Variants in VAX2 observed in about 807,000 individuals in gnomAD.
The protein encoded by VAX2 is ventral anterior homeobox 2.
A neutral mutation model predicts 12.5 loss-of-function variants in VAX2; 8 were observed. The observed-to-expected ratio is 0.64, with a 90% confidence interval of 0.37 to 1.15. The LOEUF is 1.15. VAX2 is among the 50% of genes most tolerant of loss of function. VAX2 has a pLI of 0.01. For synonymous variants in VAX2, 183 were observed against 187.6 expected, an observed-to-expected ratio of 0.98 and a Z score of 0.20; for missense variants, 476 against 412.9, an observed-to-expected ratio of 1.15 and a Z score of -1.32.
Position 70,914,307 on chromosome 2 carries a change from G to A in VAX2, c.248-6791G>A, listed in dbSNP as rs1353655952. On this transcript the variant is annotated intron_variant, in intron 1 of 2. Coordinates refer to ENST00000234392, the MANE Select transcript of VAX2 (RefSeq NM_012476.3). ...TACTAAAAAATTACAAAAATTAGGG[G>A]GCGTGGTGATGGGCACCTGTAATCC... Among the ~76,000 whole-genome samples, 3 of 152,112 alleles carry A rather than the reference G, an allele frequency of 2.0e-5. No homozygotes were observed. The East Asian group carries it at 5.8e-4, about 29-fold the overall frequency.
At chr2:70,908,152 A>G (rs1430229932) in intron 1 of VAX2, among the ~76,000 whole-genome samples, 3 of 152,248 alleles carry the variant, frequency 2.0e-5, no homozygotes, top group Non-Finnish European at 4.4e-5. Context: ...ATTTAAATAT[A>G]TTTCATTTAC....
intron 1 of VAX2, among the ~76,000 whole-genome samples, chr2:70,916,110 C>G (rs968052064): frequency 6.6e-6 from 1 of 152,150 alleles, no homozygotes; most frequent in Admixed American, 6.5e-5. Context: ...TACAGAGACA[C>G]TATCGTGTTT....
chr2:70,908,040 G>A (rs1262550783), intron 1 of VAX2, among the ~76,000 whole-genome samples: 2 of 152,208 alleles, frequency 1.3e-5, no homozygotes, highest in Non-Finnish European at 2.9e-5. Context: ...TATAAACACT[G>A]TGAAGTAAGC....
At chr2:70,920,613 T>C (rs782800388) in intron 1 of VAX2, among the ~76,000 whole-genome samples, 33 of 145,538 alleles carry the variant, frequency 2.3e-4, no homozygotes, top group Non-Finnish European at 4.2e-4. Context: ...TGTGGATGCA[T>C]GACACTCCTT....
At chr2:70,931,691 C>T (rs1220484965) in intron 2 of VAX2, among the ~76,000 whole-genome samples, 1 of 152,254 alleles carries the variant, frequency 6.6e-6, no homozygotes, top group Non-Finnish European at 1.5e-5. Context: ...TGGCCCTGAG[C>T]CACATCCGGC....
At position 70,904,477 on chromosome 2, in the gene VAX2, T is replaced by G. The variant is rs1394358921; in HGVS notation, c.247+3609T>G. Among the ~76,000 whole-genome samples the G allele has an allele frequency of 1.3e-5, 2 of 152,166 alleles. No individual in the cohort carries two copies. Among genetic ancestry groups the G allele is most frequent in the Non-Finnish European group, 2.9e-5 (2 of 68,042 alleles). On this transcript the variant is annotated intron_variant, in intron 1 of 2. Coordinates refer to ENST00000234392, the MANE Select transcript of VAX2 (RefSeq NM_012476.3). This position sits in a 1 kb window ranked among gnomAD's most constrained non-coding sequence, Gnocchi z 4.2. ...GAATTTAACGACCGATTTTGATAGA[T>G]CCGGGAAATTCTGTCCACCAGCGTC...
chr2:70,933,223 C>A lies in VAX2; in HGVS notation c.*19C>A, dbSNP rs550418791. The stretch of plus-strand genomic sequence containing the variant: ...CACTTAAGACTCCCACCCTGTGACA[C>A]TGAGTCCCGAGCACAGCACCTTCCC... On this transcript the variant is annotated 3_prime_UTR_variant, in exon 3 of 3. Transcript: ENST00000234392. 48 of 1,500,206 alleles carry A rather than the reference C, an allele frequency of 3.2e-5. No individual in the cohort carries two copies. In the South Asian group the frequency reaches 6.2e-4, roughly 19 times the overall value. The allele number at this position is 1,500,206 out of a possible 1,614,324, so 92.9% of individuals were successfully genotyped here.
rs1553414692 is a variant in VAX2, at chr2:70,933,294, G to A, written c.*90G>A. On this transcript the variant is annotated 3_prime_UTR_variant, in exon 3 of 3. Coordinates refer to ENST00000234392, the MANE Select transcript of VAX2 (RefSeq NM_012476.3). ...ACAGCACTGAGCAGGCCCCGGAGAG[G>A]AGGGGCTGCAGCCACACACTCTTCC... 3 of 1,254,524 alleles carry A rather than the reference G, an allele frequency of 2.4e-6. No individual in the cohort carries two copies. The African/African-American group carries it at 4.6e-5, about 19-fold the overall frequency. 77.7% of individuals were successfully genotyped at this position (1,254,524 alleles called of 1,614,324 possible). A position where few individuals can be genotyped will look rare whatever the true frequency, so the allele number is the denominator to read the frequency against.
chr2:70,932,581 T>C (rs1222321057), intron 2 of VAX2, among the ~76,000 whole-genome samples, 186 bp from the exon 3 acceptor site: 1 of 151,734 alleles, frequency 6.6e-6, no homozygotes, highest in Admixed American at 6.6e-5. Context: ...AGCAGGATGG[T>C]TGTGGGGAGA....
intron 2 of VAX2, among the ~76,000 whole-genome samples, chr2:70,930,070 G>A (rs558690381): frequency 6.6e-6 from 1 of 152,272 alleles, no homozygotes; most frequent in African/African-American, 2.4e-5. Flanking sequence ...GCGGTGGTGT[G>A]CACCTGTAGT....
chr2:70,917,217 G>C (rs1357817302), intron 1 of VAX2, among the ~76,000 whole-genome samples: 1 of 150,272 alleles, frequency 6.7e-6, no homozygotes, highest in Non-Finnish European at 1.5e-5. Context: ...AGCTACTCAG[G>C]AGGCTGAGAC....
chr2:70,905,840 C>T (rs902434139), intron 1 of VAX2, among the ~76,000 whole-genome samples: 4 of 152,270 alleles, frequency 2.6e-5, no homozygotes, highest in Middle Eastern at 3.4e-3. Flanking sequence ...TCAAAGCCAC[C>T]GGGCTCAAGT....
At chr2:70,927,947 G>A (rs1193242396) in intron 2 of VAX2, among the ~76,000 whole-genome samples, 7 of 152,184 alleles carry the variant, frequency 4.6e-5, no homozygotes, top group Non-Finnish European at 8.8e-5. Context: ...TGAGGGGAGA[G>A]GCACAGCTGC....
intron 1 of VAX2, among the ~76,000 whole-genome samples, chr2:70,916,740 C>T (rs1424743627): frequency 2.6e-5 from 4 of 152,090 alleles, no homozygotes; most frequent in African/African-American, 9.7e-5. Context: ...ACAGTTACAC[C>T]ACAGTTTGTT....
intron 1 of VAX2, among the ~76,000 whole-genome samples, chr2:70,902,902 T>C (rs1404264541): frequency 1.3e-5 from 2 of 152,192 alleles, no homozygotes; most frequent in African/African-American, 2.4e-5. Context: ...ATTTGTAAAA[T>C]ATAATCGAAA....
intron 1 of VAX2, among the ~76,000 whole-genome samples, chr2:70,916,214 T>C (rs145204104): frequency 0.024 from 3,622 of 152,352 alleles, 70 homozygotes; most frequent in Middle Eastern, 0.051. Context: ...GAAATAATTA[T>C]AGACTCGCAA....
intron 1 of VAX2, among the ~76,000 whole-genome samples, chr2:70,915,901 A>T (rs938207557): frequency 4.6e-5 from 7 of 152,060 alleles, no homozygotes; most frequent in Admixed American, 1.3e-4. Context: ...TTCATTTGTT[A>T]TATTAATATT....
At chr2:70,918,942 G>A (rs1451298870) in intron 1 of VAX2, among the ~76,000 whole-genome samples, 2 of 151,828 alleles carry the variant, frequency 1.3e-5, no homozygotes, top group Admixed American at 6.6e-5. Context: ...AGTGGTTCAT[G>A]CCTGTAATCC....
intron 1 of VAX2, among the ~76,000 whole-genome samples, chr2:70,907,490 A>G (rs1226157606): frequency 2.0e-5 from 3 of 152,258 alleles, no homozygotes; most frequent in African/African-American, 7.2e-5. Context: ...GCTGGAGCCA[A>G]AAATAACCGC....
Sources: gnomAD v4.1 joint callset for allele counts (sites outside exome capture counted in the v4.1 genomes callset) on GRCh38, gnomAD v4.1.1 for gene constraint, Gnocchi (gnomAD v3.1) non-coding constraint, MANE v1.5 for transcripts, NCBI Gene and HGNC (gene_info 2026-07-23, HGNC 2026-07-21) for gene names.